The following EVC2 variants were observed in gnomAD, a reference collection of about 807,000 sequenced individuals.
The protein encoded by EVC2 is EvC ciliary complex subunit 2.
In EVC2, 148 loss-of-function variants were observed where a neutral mutation model predicts 149.3. The ratio of observed to expected loss-of-function variants is 0.99; its 90% CI spans 0.87 to 1.14. The LOEUF (loss-of-function observed/expected upper bound fraction) is 1.14. EVC2 is among the 50% of genes most tolerant of loss of function. EVC2 has a pLI of 0.00. For missense variants in EVC2, 1,854 were observed against 1,627.3 expected, an observed-to-expected ratio of 1.14 and a Z score of -2.40; for synonymous variants, 776 against 649.9, an observed-to-expected ratio of 1.19 and a Z score of -2.95.
intron 1 of EVC2, among the ~76,000 whole-genome samples, chr4:5,697,997 T>C (rs977821111): frequency 8.0e-4 from 122 of 152,206 alleles, no homozygotes; most frequent in African/African-American, 2.4e-3. Context: ...GTGATCCGCC[T>C]GCCTCAGCCT....
At position 5,688,212 on chromosome 4, in the gene EVC2, T is replaced by G. The variant is rs536685953; in HGVS notation, c.706+945A>C. Among the ~76,000 whole-genome samples the G allele has an allele frequency of 2.1e-4, 32 of 152,112 alleles. No homozygotes were observed. The East Asian group carries it at 6.0e-3, about 29-fold the overall frequency. On this transcript the variant is annotated intron_variant, in intron 5 of 21. Transcript: ENST00000344408. ...CTAGTAGCTTCTGTCAATAATAGCGTGTTAAGAAGGATTCTGAGGCCTTAT... is the reference window on the plus strand; with the variant it reads ...CTAGTAGCTTCTGTCAATAATAGCGGGTTAAGAAGGATTCTGAGGCCTTAT...
Position 5,628,621 on chromosome 4 carries a change from A to G in EVC2, c.1824T>C (p.Arg608=), listed in dbSNP as rs1374045722. 1.2e-6 allele frequency: 2 copies of G among 1,614,022 alleles called. No homozygotes were observed. Among genetic ancestry groups the G allele is most frequent in the Non-Finnish European group, 1.7e-6 (2 of 1,180,036 alleles). ...CAGCGGTGCTCAGAAGGCCCTGCAC[A>G]CGGGTCTCTGATGACTGGAGGTTCT... ...LVQNLQSSET[R]VQGLLSTAAA... Residue 608 remains arginine (R), a synonymous_variant, in exon 12 of 22, where the codon CGT becomes CGC. Coordinates refer to ENST00000344408, the MANE Select transcript of EVC2 (RefSeq NM_147127.5).
At chr4:5,564,858 A>G (rs1235345945) in intron 21 of EVC2, among the ~76,000 whole-genome samples, 1 of 152,202 alleles carries the variant, frequency 6.6e-6, no homozygotes, top group Non-Finnish European at 1.5e-5. Flanking sequence ...ACCACTGTTT[A>G]CCAGCTGTTG....
rs1560206481 is a variant in EVC2 at position 5,663,088 on chromosome 4, T to TG, written c.1145+18dup. 6.2e-7 allele frequency: 1 copy of TG among 1,613,782 alleles called. No individual in the cohort carries two copies. Among genetic ancestry groups the TG allele is most frequent in the East Asian group, 2.2e-5 (1 of 44,878 alleles). On this transcript the variant is annotated intron_variant, in intron 9 of 21. Transcript: ENST00000344408. Reference sequence around the variant, plus strand: ...ATTCATCACATGTGTGTAAGTATAATGGGATTTAGAATTCTTACTCTTCTA... The same window carrying TG: ...ATTCATCACATGTGTGTAAGTATAATGGGGATTTAGAATTCTTACTCTTCTA...
intron 10 of EVC2, among the ~76,000 whole-genome samples, chr4:5,638,397 A>AC (rs1024587060): frequency 1.8e-4 from 27 of 148,872 alleles, no homozygotes; most frequent in East Asian, 6.0e-4. Context: ...TCAAAAAACA[A>AC]AAAAAAAAAA....
downstream of EVC2, among the ~76,000 whole-genome samples, chr4:5,540,447 T>C (rs1431014395): frequency 6.6e-6 from 1 of 152,234 alleles, no homozygotes; most frequent in Non-Finnish European, 1.5e-5. Flanking sequence ...AACAGGTGAA[T>C]GTGTAAACAA....
At chr4:5,607,632 G>A (rs754422558) in intron 16 of EVC2, among the ~76,000 whole-genome samples, 15 of 152,132 alleles carry the variant, frequency 9.9e-5, no homozygotes, top group South Asian at 6.2e-4. Context: ...CATATTTGTC[G>A]GTCTCTCCTT....
rs539927017 is a variant in EVC2, at chr4:5,687,710, A to T, written c.706+1447T>A. ...CTGACCCACACAAGAGCAAGAGTAGATGCTAGGAGATAGGAGAAGGGTAGG... is the reference window on the plus strand; with the variant it reads ...CTGACCCACACAAGAGCAAGAGTAGTTGCTAGGAGATAGGAGAAGGGTAGG... On this transcript the variant is annotated intron_variant, in intron 5 of 21. Transcript: ENST00000344408. Among the ~76,000 whole-genome samples, 4 of 152,274 alleles carry T rather than the reference A, an allele frequency of 2.6e-5. No homozygotes were observed. In the East Asian group the frequency reaches 7.7e-4, roughly 29 times the overall value.
chr4:5,560,389 G>A (rs1721914971), downstream of EVC2, among the ~76,000 whole-genome samples: 1 of 152,206 alleles, frequency 6.6e-6, no homozygotes, highest in Admixed American at 6.5e-5. This position sits in a 1 kb window ranked among gnomAD's most constrained non-coding sequence, Gnocchi z 4.1. Context: ...AAGGCCTCAG[G>A]AAGCTTACGA....
intron 7 of EVC2, among the ~76,000 whole-genome samples, chr4:5,665,940 TAA>T (rs1368300123): frequency 6.6e-6 from 1 of 152,154 alleles, no homozygotes; most frequent in East Asian, 1.9e-4. Context: ...TCAAGAATGT[TAA>T]GTTTCCAAAT....
chr4:5,550,147 T>A (rs1274088240), intron 21 of EVC2, among the ~76,000 whole-genome samples: 1 of 151,840 alleles, frequency 6.6e-6, no homozygotes, highest in Admixed American at 6.6e-5. Flanking sequence ...GTACTGGGAG[T>A]GGGGTGCTGC....
intron 10 of EVC2, among the ~76,000 whole-genome samples, chr4:5,632,297 C>A (rs191963765): frequency 6.6e-6 from 1 of 152,184 alleles, no homozygotes; most frequent in Non-Finnish European, 1.5e-5. Context: ...AGAACTTGCA[C>A]ACACACAAGG....
chr4:5,662,548 T>C (rs1718959952), intron 9 of EVC2, among the ~76,000 whole-genome samples: 2 of 143,220 alleles, frequency 1.4e-5, no homozygotes, highest in South Asian at 2.1e-4. Context: ...ATAATATTAA[T>C]ATTAAATATA....
At chr4:5,674,957 G>A (rs1388628303) in intron 7 of EVC2, among the ~76,000 whole-genome samples, 3 of 152,154 alleles carry the variant, frequency 2.0e-5, no homozygotes, top group Admixed American at 6.5e-5. Context: ...AAATGATAAC[G>A]TGCAATTGTG....
At chr4:5,555,101 A>C (rs1721814919) in intron 21 of EVC2, among the ~76,000 whole-genome samples, 1 of 151,984 alleles carries the variant, frequency 6.6e-6, no homozygotes, top group African/African-American at 2.4e-5. Flanking sequence ...GTAGAAGGTC[A>C]ATATATAAAA....
In EVC2 at chr4:5,584,490, C is replaced by A. The variant is rs191275032; in HGVS notation, c.3057+133G>T. 6.9e-4 allele frequency: 618 copies of A among 898,922 alleles called. 1 individual carries two copies. The African/African-American group carries it at 9.1e-3, about 13-fold the overall frequency. The allele number at this position is 898,922 out of a possible 1,614,324, so 55.7% of individuals were successfully genotyped here. A position where few individuals can be genotyped will look rare whatever the true frequency, so the allele number is the denominator to read the frequency against. On this transcript the variant is annotated intron_variant, in intron 17 of 21. Coordinates refer to ENST00000344408, the MANE Select transcript of EVC2 (RefSeq NM_147127.5). ...CCAAGTACTCTCCAATATGTCACTT[C>A]GTTTAATCCTCACCACAACCCCACA...
chr4:5,531,034 A>G, the EVC2 span, among the ~76,000 whole-genome samples: 2 of 152,136 alleles, frequency 1.3e-5, no homozygotes, highest in African/African-American at 2.4e-5. Context: ...AATTCTCACA[A>G]TAACACTCTG....
At chr4:5,678,138 A>G (rs796291580) in intron 7 of EVC2, among the ~76,000 whole-genome samples, 3 of 152,196 alleles carry the variant, frequency 2.0e-5, no homozygotes, top group Admixed American at 6.5e-5. Flanking sequence ...GAGGGTTTCC[A>G]CTATTTTCTG....
chr4:5,654,790 T>A (rs1028593145), intron 9 of EVC2, among the ~76,000 whole-genome samples: 3 of 152,176 alleles, frequency 2.0e-5, no homozygotes, highest in Non-Finnish European at 4.4e-5. Context: ...CAGGCCCCTA[T>A]GGCCATAACT....
Sources: allele counts gnomAD v4.1 joint callset (sites outside exome capture counted in the v4.1 genomes callset), GRCh38; gene constraint gnomAD v4.1.1; non-coding constraint Gnocchi (gnomAD v3.1); transcripts MANE v1.5; gene names NCBI Gene and HGNC (gene_info 2026-07-23, HGNC 2026-07-21).